The following KIFAP3 variants were observed in gnomAD, a reference collection of about 807,000 sequenced individuals.
KIFAP3 encodes the protein kinesin-associated protein 3.
KIFAP3 carries 68 observed loss-of-function variants against 106.5 expected under a neutral mutation model. That is an observed-to-expected ratio of 0.64 (90% CI 0.53 to 0.78). The LOEUF (loss-of-function observed/expected upper bound fraction) is 0.78. KIFAP3 is among the 30% of genes least tolerant of loss of function. The pLI, the probability that KIFAP3 is intolerant of heterozygous loss-of-function variation, is 0.00. For synonymous variants in KIFAP3, 320 were observed against 311.5 expected, an observed-to-expected ratio of 1.03 and a Z score of -0.29; for missense variants, 780 against 941.8, an observed-to-expected ratio of 0.83 and a Z score of 2.25.
chr1:170,059,897 C>T (rs1239375432), intron 1 of KIFAP3, among the ~76,000 whole-genome samples: 2 of 152,168 alleles, frequency 1.3e-5, no homozygotes, highest in Non-Finnish European at 2.9e-5. Context: ...ATCATATAAA[C>T]ATAACCAATG....
chr1:170,038,551 C>T (rs1179551299), intron 4 of KIFAP3, 120 bp from the exon 5 acceptor site: 8 of 969,124 alleles, frequency 8.3e-6, no homozygotes, highest in Middle Eastern at 2.2e-4. Flanking sequence ...CCAAAGAACT[C>T]ATAGTAGCCA....
intron 19 of KIFAP3, among the ~76,000 whole-genome samples, chr1:169,945,280 G>GAAGCAGGCACTTCCGAACCT (rs1397445072): frequency 1.3e-5 from 2 of 152,172 alleles, no homozygotes; most frequent in East Asian, 3.9e-4. Context: ...CCAGGGAGTG[G>GAAGCAGGCACTTCCGAACCT]AAGCAGGCAC....
intron 1 of KIFAP3, among the ~76,000 whole-genome samples, chr1:170,083,133 G>C (rs1023639746): frequency 6.6e-6 from 1 of 151,828 alleles, no homozygotes; most frequent in Non-Finnish European, 1.5e-5. Flanking sequence ...ATGACTGCTG[G>C]AAAAAAAGAA....
chr1:169,930,410 C>T (rs1187930652), intron 19 of KIFAP3, among the ~76,000 whole-genome samples: 1 of 152,144 alleles, frequency 6.6e-6, no homozygotes, highest in African/African-American at 2.4e-5. Flanking sequence ...TCATGATGGT[C>T]CTTTTTATGT....
At chr1:169,987,976 A>G (rs1316985551) in intron 11 of KIFAP3, among the ~76,000 whole-genome samples, 1 of 152,044 alleles carries the variant, frequency 6.6e-6, no homozygotes, top group African/African-American at 2.4e-5. Flanking sequence ...GAAACAATCT[A>G]CCCACTGAGA....
At chr1:170,034,989 A>G (rs943494106) in intron 6 of KIFAP3, among the ~76,000 whole-genome samples, 2 of 151,982 alleles carry the variant, frequency 1.3e-5, no homozygotes, top group African/African-American at 4.8e-5. Flanking sequence ...GCAATTATCT[A>G]GGAATTGGGT....
At chr1:170,042,055 G>A (rs150775160) in intron 3 of KIFAP3, among the ~76,000 whole-genome samples, 14 of 152,300 alleles carry the variant, frequency 9.2e-5, no homozygotes, top group African/African-American at 1.2e-4. Flanking sequence ...TGTGCCTAAC[G>A]GGTGGAAAGG....
chr1:170,016,862 C>T (rs1571671029), intron 9 of KIFAP3, among the ~76,000 whole-genome samples: 1 of 152,132 alleles, frequency 6.6e-6, no homozygotes, highest in East Asian at 1.9e-4. Context: ...AGACAAATTA[C>T]ATTTGATCCT....
At chr1:169,962,211 A>AT (rs1269262656) in intron 17 of KIFAP3, among the ~76,000 whole-genome samples, 1 of 152,158 alleles carries the variant, frequency 6.6e-6, no homozygotes, top group Admixed American at 6.6e-5. Flanking sequence ...ATTTCTTTAA[A>AT]TGCTTCTTGT....
chr1:169,938,264 C>A (rs1280447106), intron 19 of KIFAP3, among the ~76,000 whole-genome samples: 3 of 151,892 alleles, frequency 2.0e-5, no homozygotes, highest in Non-Finnish European at 4.4e-5. Flanking sequence ...ATTATGAAGG[C>A]AAGCATCTTC....
intron 10 of KIFAP3, among the ~76,000 whole-genome samples, chr1:170,008,128 T>C (rs1668064179): frequency 6.6e-6 from 1 of 151,642 alleles, no homozygotes; most frequent in South Asian, 2.1e-4. Context: ...TCAAGATGGA[T>C]TAAAGACTTA....
rs1031604742 is a variant in KIFAP3, at chr1:169,981,559, T to A, written c.1798+413A>T. 7.2e-5 allele frequency among the ~76,000 whole-genome samples: 11 copies of A among 152,224 alleles called. No individual in the cohort carries two copies. In the East Asian group the frequency reaches 1.7e-3, roughly 24 times the overall value. On this transcript the variant is annotated intron_variant, in intron 15 of 19. Transcript: ENST00000361580. ...ATGGTTGTTAATCTCTTACTGTGCC[T>A]AATTTATAAATTAAACTTTATCATT...
At chr1:169,934,907 G>A (rs1571517672) in intron 19 of KIFAP3, among the ~76,000 whole-genome samples, 1 of 152,176 alleles carries the variant, frequency 6.6e-6, no homozygotes, top group African/African-American at 2.4e-5. Flanking sequence ...AAGGTAACAT[G>A]CAACTGCATA....
At chr1:169,993,281 T>G (rs1392847808) in intron 10 of KIFAP3, among the ~76,000 whole-genome samples, 1 of 151,526 alleles carries the variant, frequency 6.6e-6, no homozygotes, top group Non-Finnish European at 1.5e-5. Flanking sequence ...TAATTTTTTA[T>G]TTTTATTTTT....
intron 19 of KIFAP3, among the ~76,000 whole-genome samples, chr1:169,928,723 T>TAAAAAAAAAAA (rs1258694998): frequency 2.8e-4 from 18 of 65,372 alleles, no homozygotes; most frequent in African/African-American, 5.2e-4. Context: ...AAAAAAAAAT[T>TAAAAAAAAAAA]AAAGTTATAC....
chr1:169,977,839 A>G (rs1176690457), intron 16 of KIFAP3, among the ~76,000 whole-genome samples: 2 of 152,072 alleles, frequency 1.3e-5, no homozygotes, highest in Non-Finnish European at 2.9e-5. Flanking sequence ...GGAAGTTCTG[A>G]TATGTTTGTT....
chr1:170,065,483 G>A (rs1571763179), intron 1 of KIFAP3, among the ~76,000 whole-genome samples: 1 of 151,376 alleles, frequency 6.6e-6, no homozygotes, highest in Admixed American at 6.6e-5. Flanking sequence ...GCATGGTGGC[G>A]GGCACCTGTA....
intron 6 of KIFAP3, 83 bp downstream of exon 6, chr1:170,035,371 G>A: frequency 1.3e-6 from 1 of 757,826 alleles, no homozygotes; most frequent in South Asian, 2.2e-5. Context: ...GAGAGAACAA[G>A]TGATCTACAA....
Position 170,074,617 on chromosome 1 carries a change from C to A in KIFAP3, c.-150G>T. 2.0e-6 allele frequency: 3 copies of A among 1,506,454 alleles called. No homozygotes were observed. Among genetic ancestry groups the A allele is most frequent in the Non-Finnish European group, 2.7e-6 (3 of 1,124,218 alleles). 93.3% of individuals were successfully genotyped at this position (1,506,454 alleles called of 1,614,324 possible). A position where few individuals can be genotyped will look rare whatever the true frequency, so the allele number is the denominator to read the frequency against. On this transcript the variant is annotated 5_prime_UTR_variant, in exon 1 of 20. Transcript: ENST00000361580. Reference sequence around the variant, plus strand: ...GGGGCAGCAGCGGCGCTGTGGTTACCACGGTGAAGCCTCCAGCTCCTCCCA... The same window carrying A: ...GGGGCAGCAGCGGCGCTGTGGTTACAACGGTGAAGCCTCCAGCTCCTCCCA...
Sources: allele counts gnomAD v4.1 joint callset (sites outside exome capture counted in the v4.1 genomes callset), GRCh38; gene constraint gnomAD v4.1.1; transcripts MANE v1.5; gene names NCBI Gene and HGNC (gene_info 2026-07-23, HGNC 2026-07-21).